PGM5: variants seen among roughly 807,000 people sequenced by gnomAD.
PGM5 encodes the protein phosphoglucomutase-like protein 5.
In PGM5, 23 loss-of-function variants were observed where a neutral mutation model predicts 59.2. The ratio of observed to expected loss-of-function variants is 0.39; its 90% CI spans 0.28 to 0.55. PGM5 has a LOEUF of 0.55. Among genes scored for constraint, PGM5 ranks in the 20% least tolerant of loss-of-function variants. The pLI, the probability that PGM5 is intolerant of heterozygous loss-of-function variation, is 0.66. For missense variants in PGM5, 574 were observed against 748.3 expected (o/e 0.77, Z 2.72); for synonymous variants, 214 against 286.0 (o/e 0.75, Z 2.54).
intron 10 of PGM5, among the ~76,000 whole-genome samples, chr9:68,524,009 C>G (rs1469338936): frequency 2.0e-5 from 3 of 151,268 alleles, no homozygotes; most frequent in Non-Finnish European, 4.4e-5. Context: ...TTTAATGGAT[C>G]TAATTTACAT....
intron 6 of PGM5, among the ~76,000 whole-genome samples, chr9:68,456,477 ATT>A (rs782463402): frequency 7.9e-5 from 11 of 138,742 alleles, no homozygotes; most frequent in African/African-American, 5.2e-5. Flanking sequence ...CGCCTGGCTA[ATT>A]TTTTTTTTTT....
At chr9:68,456,223 G>C (rs782422217) in intron 6 of PGM5, among the ~76,000 whole-genome samples, 3 of 151,706 alleles carry the variant, frequency 2.0e-5, no homozygotes, top group Non-Finnish European at 4.4e-5. Context: ...TTATAATCTT[G>C]CTGTCTTTTT....
At position 68,465,121 on chromosome 9, in the gene PGM5, T is replaced by C. The variant is rs199815877; in HGVS notation, c.1072T>C (p.Tyr358His). The C allele has an allele frequency of 1.1e-4, 179 of 1,611,780 alleles. No homozygotes were observed. The highest frequency in any genetic ancestry group is 1.5e-4 in the Non-Finnish European group (172 of 1,177,898). The change falls in exon 7 of 11, where the codon TAT (tyrosine) becomes CAT (histidine). Residue 358 changes from tyrosine (Y) to histidine (H), a missense_variant. Transcript: ENST00000396396. ...RVAKSMKVPV[Y>H]ETPAGWRFFS... ...GGCCAAATCAATGAAGGTCCCTGTA[T>C]ATGAGACCCCAGCTGGATGGAGATT...
intron 9 of PGM5, among the ~76,000 whole-genome samples, chr9:68,492,846 GC>G (rs1448227063): frequency 8.5e-5 from 13 of 152,180 alleles, no homozygotes; most frequent in African/African-American, 3.1e-4. Flanking sequence ...CAAATCTCCT[GC>G]TTTCTAGGCT....
chr9:68,428,708 T>A (rs1554682844), intron 6 of PGM5: 1 of 152,232 alleles, frequency 6.6e-6, no homozygotes. Flanking sequence ...TGTCTTAATG[T>A]TGGTTCTTAA....
intron 6 of PGM5, chr9:68,426,975 A>G (rs1554682743): frequency 6.6e-6 from 1 of 152,256 alleles, no homozygotes; most frequent in East Asian, 1.9e-4. Context: ...TGATTAATCA[A>G]TGGAGCTAAA....
chr9:68,483,759 G>C, intron 8 of PGM5, 106 bp from the exon 9 acceptor site: 1 of 970,792 alleles, frequency 1.0e-6, no homozygotes, highest in Non-Finnish European at 1.6e-6. Context: ...GTGCATTTCT[G>C]TGCTGTCCTT....
intron 10 of PGM5, among the ~76,000 whole-genome samples, chr9:68,523,907 C>A (rs999743839): frequency 2.6e-5 from 4 of 152,024 alleles, no homozygotes; most frequent in African/African-American, 7.2e-5. Flanking sequence ...TAACTATTTA[C>A]TTTGAGTCTT....
intron 1 of PGM5, among the ~76,000 whole-genome samples, chr9:68,376,824 T>A (rs1199027374): frequency 1.9e-5 from 2 of 105,826 alleles, no homozygotes; most frequent in African/African-American, 7.7e-5. Flanking sequence ...TTTCTTTCTT[T>A]CTTTCTTTCT....
At chr9:68,436,365 G>A (rs138320014) in intron 6 of PGM5, among the ~76,000 whole-genome samples, 9 of 152,280 alleles carry the variant, frequency 5.9e-5, no homozygotes, top group East Asian at 3.9e-4. Flanking sequence ...GGTCATTGGC[G>A]GAGGGAAGCT....
intron 1 of PGM5, among the ~76,000 whole-genome samples, chr9:68,376,712 A>G (rs1309827072): frequency 6.6e-6 from 1 of 152,012 alleles, no homozygotes; most frequent in Non-Finnish European, 1.5e-5. Context: ...AGAGGATCTT[A>G]TTAAAATACA....
intron 1 of PGM5, among the ~76,000 whole-genome samples, chr9:68,364,447 G>A (rs1414777045): frequency 4.6e-5 from 7 of 152,114 alleles, no homozygotes; most frequent in African/African-American, 1.4e-4. Flanking sequence ...GGATTGGGTG[G>A]CTAATATCTC....
chr9:68,369,973 A>T (rs1347612323), intron 1 of PGM5, among the ~76,000 whole-genome samples: 2 of 152,006 alleles, frequency 1.3e-5, no homozygotes, highest in African/African-American at 4.8e-5. Context: ...CATGGACAAC[A>T]CTACTTAAGG....
intron 6 of PGM5, 128 bp downstream of exon 6, chr9:68,392,601 A>G: frequency 4.1e-6 from 6 of 1,451,152 alleles, no homozygotes; most frequent in Non-Finnish European, 5.5e-6. Context: ...GGAACACGGT[A>G]TAGTGTACTG....
chr9:68,380,292 G>T (rs1822034970), intron 2 of PGM5, among the ~76,000 whole-genome samples: 1 of 151,948 alleles, frequency 6.6e-6, no homozygotes. Flanking sequence ...ATAACAAGAG[G>T]AATCTTGGAA....
At chr9:68,449,857 G>A (rs1368037002) in intron 6 of PGM5, among the ~76,000 whole-genome samples, 4 of 152,194 alleles carry the variant, frequency 2.6e-5, no homozygotes, top group African/African-American at 9.7e-5. Context: ...TAGTGTAAGA[G>A]TGCAACTTCA....
chr9:68,420,326 T>A (rs2132046986), intron 6 of PGM5, among the ~76,000 whole-genome samples: 3 of 152,266 alleles, frequency 2.0e-5, no homozygotes, highest in Admixed American at 2.0e-4. Flanking sequence ...CTGCTTGTGA[T>A]CTTGAGTACA....
chr9:68,496,107 C>T (rs1275732669), intron 9 of PGM5, among the ~76,000 whole-genome samples: 2 of 152,198 alleles, frequency 1.3e-5, no homozygotes, highest in African/African-American at 2.4e-5. Flanking sequence ...GTGCCAACCC[C>T]TAGTATAACC....
At chr9:68,392,522 T>C (rs263798) in intron 6 of PGM5, 49 bp downstream of exon 6, 74,805 of 1,178,326 alleles carry the variant, frequency 0.063, 6,743 homozygotes, top group East Asian at 0.51. Context: ...CCTTTGGCGT[T>C]GATGTCTCCT....
Sources: allele counts gnomAD v4.1 joint callset (sites outside exome capture counted in the v4.1 genomes callset), GRCh38; gene constraint gnomAD v4.1.1; transcripts MANE v1.5; gene names NCBI Gene and HGNC (gene_info 2026-07-23, HGNC 2026-07-21).